Variants in LRCH2 observed in about 807,000 individuals in gnomAD.
The protein encoded by LRCH2 is leucine-rich repeat and calponin homology domain-containing protein 2.
Under a neutral mutation model 68.9 loss-of-function variants are expected in LRCH2, and 38 were observed. The ratio of observed to expected loss-of-function variants is 0.55; its 90% confidence interval spans 0.43 to 0.72. LRCH2 has a LOEUF of 0.72. Among genes scored for constraint, LRCH2 ranks in the 30% least tolerant of loss-of-function variants. The probability of loss-of-function intolerance (pLI) is 0.00; values close to 1 mark genes in which losing one functional copy is unlikely to be tolerated. For synonymous variants in LRCH2, 191 were observed against 208.1 expected (o/e 0.92, Z 0.71); for missense variants, 528 against 572.9 (o/e 0.92, Z 0.80).
rs782477439 is a variant in LRCH2 at position 115,178,030 on chromosome X, A to T, written c.864+1397T>A. Among the ~76,000 whole-genome samples, 4 of 112,592 alleles carry T rather than the reference A, an allele frequency of 3.6e-5. No individual in the cohort carries two copies. In the South Asian group the frequency reaches 1.5e-3, roughly 41 times the overall value. On this transcript the variant is annotated intron_variant, in intron 5 of 20. Transcript: ENST00000317135. ...ATGGCTACCGTATTGGACAATGCAGATACAGAACATGCTCATCACCACAGC... is the reference window on the plus strand; with the variant it reads ...ATGGCTACCGTATTGGACAATGCAGTTACAGAACATGCTCATCACCACAGC...
intron 20 of LRCH2, among the ~76,000 whole-genome samples, chrX:115,117,883 C>T (rs2072097261): frequency 9.1e-6 from 1 of 110,187 alleles, no homozygotes; most frequent in Admixed American, 9.7e-5. Context: ...ATGCATATGT[C>T]AAAATTGATC....
intron 1 of LRCH2, among the ~76,000 whole-genome samples, chrX:115,200,074 A>T (rs1248652779): frequency 8.9e-6 from 1 of 112,522 alleles, no homozygotes. Context: ...ACAAAAGATT[A>T]AAAATTTTTT....
chrX:115,161,456 TA>T (rs1196193024), intron 11 of LRCH2, among the ~76,000 whole-genome samples: 1 of 112,294 alleles, frequency 8.9e-6, no homozygotes, highest in Non-Finnish European at 1.9e-5. Context: ...TATTAATATT[TA>T]ATCTAAAAAG....
intron 14 of LRCH2, 55 bp downstream of exon 14, chrX:115,149,772 G>A: frequency 1.3e-6 from 1 of 790,763 alleles, no homozygotes; most frequent in South Asian, 2.9e-5. Context: ...AAACAAAACT[G>A]ACAAAATAAA....
chrX:115,115,597 T>G (rs904234029), intron 20 of LRCH2, among the ~76,000 whole-genome samples: 1 of 110,618 alleles, frequency 9.0e-6, no homozygotes, highest in East Asian at 2.8e-4. Context: ...ACTATAAAAC[T>G]TTTAGAAGAA....
chrX:115,205,828 C>T (rs1249786951), intron 1 of LRCH2, among the ~76,000 whole-genome samples: 1 of 110,372 alleles, frequency 9.1e-6, no homozygotes, highest in Non-Finnish European at 1.9e-5. Flanking sequence ...ATCCCAGCTA[C>T]TTGGGAGGCT....
rs781922523 is a variant in LRCH2 at position 115,111,994 on chromosome X, A to G, written c.*1222T>C. ...GTAATGTTTTTGAAAAATTCCTGCA[A>G]TACCACCAATGTAAATTTACCCATA... On this transcript the variant is annotated 3_prime_UTR_variant, in exon 21 of 21. Transcript: ENST00000317135. The G allele has an allele frequency of 8.9e-6, 1 of 112,304 alleles. No homozygotes were observed. Among genetic ancestry groups the G allele is most frequent in the African/African-American group, 3.2e-5 (1 of 30,985 alleles). The allele number at this position is 112,304 out of a possible 1,213,427, so 9.3% of individuals were successfully genotyped here. A position where few individuals can be genotyped will look rare whatever the true frequency, so the allele number is the denominator to read the frequency against.
chrX:115,203,775 C>T (rs1433021553), intron 1 of LRCH2, among the ~76,000 whole-genome samples: 1 of 112,478 alleles, frequency 8.9e-6, no homozygotes, highest in Non-Finnish European at 1.9e-5. Context: ...GTATAGCCCC[C>T]GTCGCTGGTT....
intron 1 of LRCH2, chrX:115,192,965 AGAT>A: frequency 4.0e-6 from 1 of 247,356 alleles, no homozygotes; most frequent in Non-Finnish European, 7.6e-6. Context: ...AACAGTTCTA[AGAT>A]CTTTCATAAA....
chrX:115,218,614 A>G (rs1556572484), intron 1 of LRCH2, among the ~76,000 whole-genome samples: 1 of 112,443 alleles, frequency 8.9e-6, no homozygotes, highest in African/African-American at 3.2e-5. Context: ...AGTCTTCGTT[A>G]ACATAGCAGT....
At chrX:115,115,815 T>C (rs1271666989) in intron 20 of LRCH2, among the ~76,000 whole-genome samples, 1 of 109,807 alleles carries the variant, frequency 9.1e-6, no homozygotes, top group African/African-American at 3.3e-5. Context: ...TCTTAGGCAA[T>C]TTGTATCCAG....
At chrX:115,130,580 C>T (rs2072235065) in intron 14 of LRCH2, among the ~76,000 whole-genome samples, 1 of 111,051 alleles carries the variant, frequency 9.0e-6, no homozygotes, top group South Asian at 3.8e-4. Flanking sequence ...GGAATTCTCA[C>T]AACTACCACC....
intron 16 of LRCH2, among the ~76,000 whole-genome samples, chrX:115,125,646 TATATACAC>T (rs1166393187): frequency 1.1e-5 from 1 of 91,555 alleles, no homozygotes; most frequent in African/African-American, 4.1e-5. Context: ...TATACATATA[TATATACAC>T]GTATATATAT....
At chrX:115,117,555 C>G (rs1023961185) in intron 20 of LRCH2, among the ~76,000 whole-genome samples, 1 of 111,555 alleles carries the variant, frequency 9.0e-6, no homozygotes, top group East Asian at 2.8e-4. Context: ...TGTCCATCAG[C>G]AGGTCAAGGG....
chrX:115,114,872 A>T (rs782273435), intron 20 of LRCH2, among the ~76,000 whole-genome samples: 30 of 110,823 alleles, frequency 2.7e-4, no homozygotes, highest in Non-Finnish European at 4.6e-4. Context: ...TGCAGAATAC[A>T]AGATCAATAA....
At position 115,112,835 on chromosome X, in the gene LRCH2, TA is replaced by T. The variant is rs782590033; in HGVS notation, c.*380del. 8.8e-5 allele frequency: 10 copies of T among 113,695 alleles called. No homozygotes were observed. Among genetic ancestry groups the T allele is most frequent in the Admixed American group, 1.9e-4 (2 of 10,471 alleles). The allele number at this position is 113,695 out of a possible 1,213,427, so 9.4% of individuals were successfully genotyped here. A position where few individuals can be genotyped will look rare whatever the true frequency, so the allele number is the denominator to read the frequency against. On this transcript the variant is annotated 3_prime_UTR_variant, in exon 21 of 21. Coordinates refer to ENST00000317135, the MANE Select transcript of LRCH2 (RefSeq NM_020871.4). ...CAAATATAGAATTGCTCTAAATTGC[TA>T]AAAAAAATTACCTTTATCCAGATGT...
chrX:115,190,754 G>A lies in LRCH2; in HGVS notation c.350-2384C>T, dbSNP rs1244149161. 45 of 1,164,024 alleles carry A rather than the reference G, an allele frequency of 3.9e-5. No homozygotes were observed. The Middle Eastern group carries it at 7.0e-4, about 18-fold the overall frequency. On this transcript the variant is annotated intron_variant, in intron 1 of 20. Coordinates refer to ENST00000317135, the MANE Select transcript of LRCH2 (RefSeq NM_020871.4). ...TCACACGAGGCCCGCAGCGGGGGCC[G>A]CTCCACTGATGCCCACAGCAGGGGC...
chrX:115,157,952 C>A (rs1472916785), intron 11 of LRCH2, among the ~76,000 whole-genome samples: 2 of 110,314 alleles, frequency 1.8e-5, no homozygotes, highest in African/African-American at 6.6e-5. Flanking sequence ...GATCCACTTA[C>A]CTATACAATA....
chrX:115,122,542 C>G lies in LRCH2; in HGVS notation c.2163G>C (p.Lys721Asn). 1 of 1,209,303 alleles carries G rather than the reference C, an allele frequency of 8.3e-7. No homozygotes were observed. Among genetic ancestry groups the G allele is most frequent in the Non-Finnish European group, 1.1e-6 (1 of 893,922 alleles). The change falls in exon 20 of 21, where the codon AAG (lysine) becomes AAC (asparagine). Residue 721 changes from lysine (K) to asparagine (N), a missense_variant. Physicochemically the swap from Lys to Asn is moderately conservative, Grantham distance 94. Transcript: ENST00000317135. ...NVENFLDACKKLGVSQERLCL... is the reference protein window; with the variant it reads ...NVENFLDACKNLGVSQERLCL... ...TAACAATTACCTGTGAGACACCCAACTTTTTACAAGCATCAAGAAAATTTT... is the reference window on the plus strand; with the variant it reads ...TAACAATTACCTGTGAGACACCCAAGTTTTTACAAGCATCAAGAAAATTTT...
Sources: allele counts gnomAD v4.1 joint callset (sites outside exome capture counted in the v4.1 genomes callset), GRCh38; gene constraint gnomAD v4.1.1; transcripts MANE v1.5; gene names NCBI Gene and HGNC (gene_info 2026-07-23, HGNC 2026-07-21).